The following ZFHX3 variants were observed in gnomAD, a reference collection of about 807,000 sequenced individuals.
ZFHX3 encodes the protein zinc finger homeobox protein 3.
In ZFHX3, 42 loss-of-function variants were observed where a neutral mutation model predicts 279.1. The ratio of observed to expected loss-of-function variants is 0.15; its 90% confidence interval spans 0.12 to 0.19. The LOEUF (loss-of-function observed/expected upper bound fraction) is 0.19, where lower values mean the gene tolerates loss of function less well. ZFHX3 is among the 10% of genes least tolerant of loss of function. The probability of loss-of-function intolerance (pLI) is 1.00; values close to 1 mark genes in which losing one functional copy is unlikely to be tolerated. For missense variants in ZFHX3, 4,981 were observed against 4,754.0 expected (o/e 1.05, Z -1.40); for synonymous variants, 2,293 against 1,957.8 (o/e 1.17, Z -4.52).
intron 1 of ZFHX3, among the ~76,000 whole-genome samples, chr16:72,984,625 C>A (rs868458765): frequency 3.1e-4 from 41 of 132,580 alleles, no homozygotes; most frequent in African/African-American, 4.0e-4. Flanking sequence ...GACTCTGACT[C>A]AAAAAAAAAA....
chr16:73,671,402 G>C (rs977857398), intron 2 of ZFHX3, among the ~76,000 whole-genome samples: 4 of 152,190 alleles, frequency 2.6e-5, no homozygotes, highest in Non-Finnish European at 4.4e-5. Flanking sequence ...GAGATGAGCA[G>C]AGAAACACAG....
At chr16:73,206,274 T>A (rs2011798042) in intron 5 of ZFHX3, among the ~76,000 whole-genome samples, 1 of 152,192 alleles carries the variant, frequency 6.6e-6, no homozygotes, top group African/African-American at 2.4e-5. Context: ...TAATTTAATA[T>A]TTCTTTGATG....
intron 1 of ZFHX3, among the ~76,000 whole-genome samples, chr16:73,022,872 G>A (rs909797987): frequency 1.1e-4 from 17 of 152,106 alleles, no homozygotes; most frequent in South Asian, 6.2e-4. Context: ...CAAATCCCCC[G>A]ATTTTTTTTT....
At chr16:72,978,032 T>G (rs558886747) in intron 1 of ZFHX3, among the ~76,000 whole-genome samples, 116 of 152,100 alleles carry the variant, frequency 7.6e-4, no homozygotes, top group Non-Finnish European at 1.3e-3. Context: ...GCCCAGCTAA[T>G]TTTTGTATTT....
At chr16:73,252,171 C>T (rs1376485082) in intron 5 of ZFHX3, among the ~76,000 whole-genome samples, 1 of 152,014 alleles carries the variant, frequency 6.6e-6, no homozygotes, top group Admixed American at 6.6e-5. Flanking sequence ...GTATAAAATG[C>T]AGGGCTACTG....
intron 1 of ZFHX3, among the ~76,000 whole-genome samples, chr16:73,001,254 G>T (rs1024104189): frequency 1.6e-4 from 24 of 152,200 alleles, no homozygotes; most frequent in African/African-American, 5.5e-4. Flanking sequence ...CCTCCAGCCA[G>T]CAGCTCTTGG....
chr16:73,674,826 A>T (rs897179620), intron 2 of ZFHX3, among the ~76,000 whole-genome samples: 1 of 152,156 alleles, frequency 6.6e-6, no homozygotes, highest in Non-Finnish European at 1.5e-5. Flanking sequence ...TCAGGAAAAA[A>T]ACAGCCCCAG....
intron 2 of ZFHX3, among the ~76,000 whole-genome samples, chr16:73,613,751 C>A (rs2052271216): frequency 6.6e-6 from 1 of 152,132 alleles, no homozygotes; most frequent in Admixed American, 6.5e-5. Context: ...AGGCATGGTG[C>A]TCAGGATTGG....
intron 5 of ZFHX3, among the ~76,000 whole-genome samples, chr16:73,220,701 T>G (rs1196028941): frequency 4.6e-5 from 7 of 152,178 alleles, no homozygotes; most frequent in Admixed American, 4.6e-4. Context: ...TACCCTGCAC[T>G]TTGCTTGCCA....
At chr16:73,520,916 C>A (rs1055992317) in intron 2 of ZFHX3, among the ~76,000 whole-genome samples, 4 of 152,234 alleles carry the variant, frequency 2.6e-5, no homozygotes, top group Admixed American at 6.5e-5. Context: ...GCTAATAGTT[C>A]TGAAGAGAGT....
At chr16:73,468,795 A>T (rs906479611) in intron 2 of ZFHX3, among the ~76,000 whole-genome samples, 1 of 152,204 alleles carries the variant, frequency 6.6e-6, no homozygotes, top group Non-Finnish European at 1.5e-5. Flanking sequence ...TTTTCTCAAA[A>T]GTCAGGAGAG....
chr16:73,447,455 C>T (rs1228650880), intron 3 of ZFHX3, among the ~76,000 whole-genome samples: 4 of 152,118 alleles, frequency 2.6e-5, no homozygotes, highest in African/African-American at 9.7e-5. Context: ...GAATACCCCA[C>T]AGTTCGGAGA....
chr16:72,866,381 T>A (rs1486414050), intron 4 of ZFHX3, among the ~76,000 whole-genome samples: 2 of 152,206 alleles, frequency 1.3e-5, no homozygotes, highest in Non-Finnish European at 2.9e-5. Flanking sequence ...GGTAAAAGAA[T>A]TGAGGCTCAA....
chr16:73,595,590 G>A (rs8045437), intron 2 of ZFHX3, among the ~76,000 whole-genome samples: 2 of 152,050 alleles, frequency 1.3e-5, no homozygotes, highest in African/African-American at 2.4e-5. Context: ...ACACTCTCTG[G>A]GTGTGATACA....
intron 3 of ZFHX3, among the ~76,000 whole-genome samples, chr16:73,410,465 T>G (rs2017443727): frequency 1.3e-5 from 2 of 152,176 alleles, no homozygotes; most frequent in South Asian, 4.1e-4. Context: ...ACGATTGAAT[T>G]GTTTGTAATA....
intron 1 of ZFHX3, among the ~76,000 whole-genome samples, chr16:73,687,345 C>T (rs545187469): frequency 2.0e-5 from 3 of 150,344 alleles, no homozygotes; most frequent in East Asian, 2.0e-4. Flanking sequence ...TGAGCACCAC[C>T]GCACACCAGC....
chr16:73,611,692 A>T (rs1317404404), intron 2 of ZFHX3, among the ~76,000 whole-genome samples: 1 of 152,206 alleles, frequency 6.6e-6, no homozygotes, highest in Non-Finnish European at 1.5e-5. Context: ...ATTCTCAATT[A>T]TACTTCATTT....
intron 2 of ZFHX3, among the ~76,000 whole-genome samples, chr16:73,523,507 C>G (rs968099746): frequency 6.6e-6 from 1 of 152,072 alleles, no homozygotes; most frequent in Non-Finnish European, 1.5e-5. Context: ...TGCTTTACAC[C>G]CAGTGGCATT....
chr16:73,860,577 C>G (rs17390992), intron 1 of ZFHX3, among the ~76,000 whole-genome samples: 1 of 152,172 alleles, frequency 6.6e-6, no homozygotes, highest in Admixed American at 6.5e-5. Flanking sequence ...TTGTCTACTA[C>G]GCCAATTCTC....
Sources: allele counts gnomAD v4.1 joint callset (sites outside exome capture counted in the v4.1 genomes callset), GRCh38; gene constraint gnomAD v4.1.1; transcripts MANE v1.5; gene names NCBI Gene and HGNC (gene_info 2026-07-23, HGNC 2026-07-21).